The following KAZN variants were observed in gnomAD, a reference collection of about 807,000 sequenced individuals.
The protein encoded by KAZN is kazrin.
Under a neutral mutation model 87.4 loss-of-function variants are expected in KAZN, and 40 were observed. That is an observed-to-expected ratio of 0.46 (90% CI 0.36 to 0.60). The LOEUF (loss-of-function observed/expected upper bound fraction) is 0.60. Among genes scored for constraint, KAZN ranks in the 20% least tolerant of loss-of-function variants. The probability of loss-of-function intolerance (pLI) is 0.00; values close to 1 mark genes in which losing one functional copy is unlikely to be tolerated. For missense variants in KAZN, 898 were observed against 1,073.9 expected (o/e 0.84, Z 2.29); for synonymous variants, 466 against 458.3 (o/e 1.02, Z -0.22).
At chr1:14,267,096 A>T (rs1315301324) in intron 2 of KAZN, among the ~76,000 whole-genome samples, 1 of 136,588 alleles carries the variant, frequency 7.3e-6, no homozygotes, top group Non-Finnish European at 1.5e-5. Context: ...TTTTTTTCTC[A>T]TCAACATTAT....
At chr1:14,421,535 G>A (rs1665428814) in intron 2 of KAZN, among the ~76,000 whole-genome samples, 1 of 152,068 alleles carries the variant, frequency 6.6e-6, no homozygotes. Context: ...TACCACATTA[G>A]GACAGTGGCA....
chr1:14,014,169 G>A (rs1350787065), intron 1 of KAZN, among the ~76,000 whole-genome samples: 2 of 151,870 alleles, frequency 1.3e-5, no homozygotes, highest in East Asian at 3.9e-4. Context: ...CAATAACATT[G>A]TATCCGGGAG....
chr1:15,032,482 G>A (rs1015693888), intron 2 of KAZN, among the ~76,000 whole-genome samples: 8 of 151,686 alleles, frequency 5.3e-5, no homozygotes, highest in South Asian at 2.1e-4. Context: ...ATGAGCCACC[G>A]CGCCCAGCTG....
At chr1:14,212,106 C>T (rs976906756) in intron 2 of KAZN, among the ~76,000 whole-genome samples, 6 of 152,280 alleles carry the variant, frequency 3.9e-5, no homozygotes, top group South Asian at 2.1e-4. Context: ...ATGTTTGCTG[C>T]GAATGTTTTG....
chr1:14,974,611 T>C (rs1368702459), intron 2 of KAZN, among the ~76,000 whole-genome samples: 1 of 152,180 alleles, frequency 6.6e-6, no homozygotes, highest in African/African-American at 2.4e-5. Flanking sequence ...ACTGGTAATA[T>C]TGTACAATGG....
At chr1:13,893,071 G>T (rs912439830) in exon 1 of KAZN, 1 of 151,944 alleles carries the variant, frequency 6.6e-6, no homozygotes, top group African/African-American at 2.4e-5. Context: ...CGCCTGGCGC[G>T]TGCAGGACCT....
At chr1:14,575,231 G>A (rs1047288738) in intron 2 of KAZN, among the ~76,000 whole-genome samples, 2 of 152,098 alleles carry the variant, frequency 1.3e-5, no homozygotes, top group African/African-American at 4.8e-5. Flanking sequence ...TAGTGGATTA[G>A]TCTGTTCTCA....
chr1:14,432,251 T>A (rs2101388913), intron 2 of KAZN, among the ~76,000 whole-genome samples: 1 of 152,350 alleles, frequency 6.6e-6, no homozygotes, highest in East Asian at 1.9e-4. Context: ...ATTGACTATG[T>A]AGATCATGGA....
chr1:14,438,026 G>A (rs1037387847), intron 2 of KAZN, among the ~76,000 whole-genome samples: 1 of 150,218 alleles, frequency 6.7e-6, no homozygotes, highest in Non-Finnish European at 1.5e-5. Context: ...TCCCTTTTGG[G>A]TTTCCCTTTT....
At chr1:14,418,162 G>A (rs74968653) in intron 2 of KAZN, among the ~76,000 whole-genome samples, 2 of 151,518 alleles carry the variant, frequency 1.3e-5, no homozygotes, top group Non-Finnish European at 2.9e-5. Flanking sequence ...GAATTTCTAA[G>A]AATAAGAACC....
intron 2 of KAZN, among the ~76,000 whole-genome samples, chr1:14,556,028 T>C (rs1012459765): frequency 6.6e-6 from 1 of 152,122 alleles, no homozygotes; most frequent in African/African-American, 2.4e-5. Flanking sequence ...GTTGTTTACC[T>C]GAAACCACAG....
Position 14,395,750 on chromosome 1 carries a change from G to A in KAZN, c.250-203233G>A, listed in dbSNP as rs116903636. On this transcript the variant is annotated intron_variant, in intron 2 of 16. Coordinates refer to the KAZN transcript ENST00000636203. ...CGGACTTGGCGGGGCAACAAGACTC[G>A]CGCTGAGTTAGAAGACGGATACTAG... Among the ~76,000 whole-genome samples, 45 of 152,280 alleles carry A rather than the reference G, an allele frequency of 3.0e-4. No homozygotes were observed. In the East Asian group the frequency reaches 4.6e-3, roughly 16 times the overall value.
intron 2 of KAZN, among the ~76,000 whole-genome samples, chr1:14,429,658 G>A (rs1665933438): frequency 6.6e-6 from 1 of 152,142 alleles, no homozygotes. Flanking sequence ...CAAATGGAAA[G>A]AGCCATTGTT....
At chr1:14,198,068 C>A (rs1646565314) in intron 2 of KAZN, among the ~76,000 whole-genome samples, 1 of 152,152 alleles carries the variant, frequency 6.6e-6, no homozygotes, top group Non-Finnish European at 1.5e-5. Flanking sequence ...TAAAAACTTA[C>A]ACATTGAAAT....
intron 2 of KAZN, among the ~76,000 whole-genome samples, chr1:15,001,035 C>T (rs1180834108): frequency 1.3e-5 from 2 of 149,594 alleles, no homozygotes; most frequent in Admixed American, 6.6e-5. Flanking sequence ...CCCAGGAGTT[C>T]GAGACTGCAG....
At chr1:14,562,535 C>T (rs1215262901) in intron 2 of KAZN, among the ~76,000 whole-genome samples, 1 of 152,206 alleles carries the variant, frequency 6.6e-6, no homozygotes, top group Non-Finnish European at 1.5e-5. Flanking sequence ...TTCTGAAATC[C>T]TCTGATTCCC....
intron 2 of KAZN, among the ~76,000 whole-genome samples, chr1:14,300,428 C>T (rs1237347801): frequency 2.0e-5 from 3 of 152,016 alleles, no homozygotes; most frequent in African/African-American, 7.2e-5. Context: ...GATGAGGTCT[C>T]CCTATGTTGC....
At chr1:14,699,746 C>G (rs11807912) in intron 1 of KAZN, among the ~76,000 whole-genome samples, 5,303 of 152,288 alleles carry the variant, frequency 0.035, 312 homozygotes, top group African/African-American at 0.12. Context: ...TGACAGCCAT[C>G]TCTTCAAACA....
chr1:14,764,914 A>T (rs1644847313), intron 1 of KAZN, among the ~76,000 whole-genome samples: 1 of 152,218 alleles, frequency 6.6e-6, no homozygotes, highest in South Asian at 2.1e-4. Context: ...CTTATTTTAT[A>T]GGTAAGGAAA....
Sources: allele counts gnomAD v4.1 joint callset (sites outside exome capture counted in the v4.1 genomes callset), GRCh38; gene constraint gnomAD v4.1.1; transcripts MANE v1.5; gene names NCBI Gene and HGNC (gene_info 2026-07-23, HGNC 2026-07-21).